Variants in BDKRB2 observed in about 807,000 individuals in gnomAD.
BDKRB2 encodes B2 bradykinin receptor.
In BDKRB2, 6 loss-of-function variants were observed where a neutral mutation model predicts 4.0. That is an observed-to-expected ratio of 1.49 (90% confidence interval 0.81 to 2.93). The LOEUF (loss-of-function observed/expected upper bound fraction) is 2.93, where lower values mean the gene tolerates loss of function less well. Among genes scored for constraint, BDKRB2 ranks in the 30% most tolerant of loss-of-function variants. BDKRB2 has a pLI of 0.00. For missense variants in BDKRB2, 478 were observed against 520.1 expected (o/e 0.92, Z 0.79); for synonymous variants, 225 against 215.3 (o/e 1.05, Z -0.40).
At chr14:96,218,698 A>T (rs1383736155) in intron 1 of BDKRB2, among the ~76,000 whole-genome samples, 1 of 152,044 alleles carries the variant, frequency 6.6e-6, no homozygotes, top group Non-Finnish European at 1.5e-5. Context: ...CAGGCAGATC[A>T]CTTGAGGTCA....
At position 96,210,609 on chromosome 14, in the gene BDKRB2, G is replaced by C. The variant is rs550089496; in HGVS notation, c.-40+5650G>C. Among the ~76,000 whole-genome samples, 4 of 152,310 alleles carry C rather than the reference G, an allele frequency of 2.6e-5. No homozygotes were observed. The South Asian group carries it at 8.3e-4, about 32-fold the overall frequency. On this transcript the variant is annotated intron_variant, in intron 1 of 2. Coordinates refer to ENST00000554311, the MANE Select transcript of BDKRB2 (RefSeq NM_001379692.1). Reference sequence around the variant, plus strand: ...TTTCACCCAGCAAAGAACAATTTGTGGGGGCAGTCATGGGGAGATATCCGA... The same window carrying C: ...TTTCACCCAGCAAAGAACAATTTGTCGGGGCAGTCATGGGGAGATATCCGA...
At chr14:96,220,925 T>C (rs1890545523) in intron 1 of BDKRB2, among the ~76,000 whole-genome samples, 1 of 152,008 alleles carries the variant, frequency 6.6e-6, no homozygotes, top group African/African-American at 2.4e-5. Context: ...TGTCCCCAAC[T>C]TGGGCACACT....
Position 96,242,986 on chromosome 14 carries a change from G to A in BDKRB2, c.*1482G>A, listed in dbSNP as rs200778828. Reference sequence around the variant, plus strand: ...TGGTTGGAGAGCTAGAACCTGGAGAGCTAGAACCTGGAGAACTAGAACCTG... The same window carrying A: ...TGGTTGGAGAGCTAGAACCTGGAGAACTAGAACCTGGAGAACTAGAACCTG... On this transcript the variant is annotated 3_prime_UTR_variant, in exon 3 of 3. Transcript: ENST00000554311. 7.6e-6 allele frequency: 1 copy of A among 131,278 alleles called. No homozygotes were observed. The highest frequency in any genetic ancestry group is 1.9e-4 in the East Asian group (1 of 5,194). The allele number at this position is 131,278 out of a possible 1,614,324, so 8.1% of individuals were successfully genotyped here. A position where few individuals can be genotyped will look rare whatever the true frequency, so the allele number is the denominator to read the frequency against.
chr14:96,211,394 T>A (rs557858898), intron 1 of BDKRB2, among the ~76,000 whole-genome samples: 1 of 152,220 alleles, frequency 6.6e-6, no homozygotes, highest in Admixed American at 6.5e-5. Flanking sequence ...AAGTGAGAGG[T>A]GAGAGAAGGA....
chr14:96,220,909 A>G (rs866354082), intron 1 of BDKRB2, among the ~76,000 whole-genome samples: 2 of 151,748 alleles, frequency 1.3e-5, no homozygotes, highest in Non-Finnish European at 2.9e-5. Flanking sequence ...AGCCTCCCAC[A>G]CCTCCTGTCC....
intron 1 of BDKRB2, among the ~76,000 whole-genome samples, chr14:96,228,643 A>T (rs145325976): frequency 6.6e-6 from 1 of 152,162 alleles, no homozygotes; most frequent in Admixed American, 6.5e-5. Context: ...GATGGGGGGC[A>T]TGGTGGGCCA....
chr14:96,212,619 A>T (rs1295158429), intron 1 of BDKRB2, among the ~76,000 whole-genome samples: 1 of 152,106 alleles, frequency 6.6e-6, no homozygotes, highest in Non-Finnish European at 1.5e-5. Context: ...GATGGCAGAG[A>T]TCAGTGGGTG....
At chr14:96,239,105 A>G in intron 2 of BDKRB2, 2 of 985,362 alleles carry the variant, frequency 2.0e-6, no homozygotes, top group Non-Finnish European at 2.4e-6. Context: ...CTCTTCCTCC[A>G]TGAGCCTGAC....
chr14:96,233,085 G>A (rs1238633612), intron 1 of BDKRB2, among the ~76,000 whole-genome samples: 2 of 152,200 alleles, frequency 1.3e-5, no homozygotes, highest in African/African-American at 4.8e-5. Context: ...GGAGTGCAGT[G>A]GTGCGATACG....
chr14:96,229,083 G>A (rs938235020), intron 1 of BDKRB2, among the ~76,000 whole-genome samples: 2 of 152,206 alleles, frequency 1.3e-5, no homozygotes, highest in African/African-American at 4.8e-5. Flanking sequence ...CTGGGGAGAA[G>A]AGGAGAAATA....
At chr14:96,234,669 G>A (rs982791966) in intron 1 of BDKRB2, among the ~76,000 whole-genome samples, 1 of 152,218 alleles carries the variant, frequency 6.6e-6, no homozygotes, top group Non-Finnish European at 1.5e-5. Flanking sequence ...TGGACTTCGG[G>A]AGAAAGTTGA....
chr14:96,237,290 C>G, intron 2 of BDKRB2, 109 bp downstream of exon 2: 1 of 1,054,350 alleles, frequency 9.5e-7, no homozygotes. Flanking sequence ...TTGAAGGAAC[C>G]AGTGATGTTA....
chr14:96,218,148 G>A (rs527264064), intron 1 of BDKRB2, among the ~76,000 whole-genome samples: 2 of 152,146 alleles, frequency 1.3e-5, no homozygotes, highest in Non-Finnish European at 2.9e-5. Flanking sequence ...TAAGGAATGA[G>A]TGCCACTCTG....
At chr14:96,211,280 G>A (rs1292243590) in intron 1 of BDKRB2, 2 of 152,268 alleles carry the variant, frequency 1.3e-5, no homozygotes, top group Non-Finnish European at 2.9e-5. Flanking sequence ...CACAGAGGGA[G>A]GCTCTCTGGG....
chr14:96,228,513 G>C (rs551239767), intron 1 of BDKRB2, among the ~76,000 whole-genome samples: 18 of 152,292 alleles, frequency 1.2e-4, no homozygotes, highest in Non-Finnish European at 1.3e-4. Context: ...CCAGATGGCT[G>C]AACTCTTCTC....
At chr14:96,205,685 G>A (rs1396964574) in intron 1 of BDKRB2, among the ~76,000 whole-genome samples, 6 of 152,196 alleles carry the variant, frequency 3.9e-5, no homozygotes, top group Non-Finnish European at 8.8e-5. Flanking sequence ...CCCTGTGGGT[G>A]ACGTTTTTGG....
At chr14:96,210,550 C>T (rs1311653746) in intron 1 of BDKRB2, among the ~76,000 whole-genome samples, 1 of 152,118 alleles carries the variant, frequency 6.6e-6, no homozygotes, top group Admixed American at 6.5e-5. Flanking sequence ...ATTGATGTGT[C>T]CTTGTTTTGT....
In BDKRB2 at chr14:96,241,626, C is replaced by T. The variant is rs1312010430; in HGVS notation, c.*122C>T. 1.8e-5 allele frequency: 25 copies of T among 1,404,900 alleles called. No homozygotes were observed. Among genetic ancestry groups the T allele is most frequent in the Non-Finnish European group, 2.3e-5 (25 of 1,081,670 alleles). The allele number at this position is 1,404,900 out of a possible 1,614,324, so 87.0% of individuals were successfully genotyped here. On this transcript the variant is annotated 3_prime_UTR_variant, in exon 3 of 3. Transcript: ENST00000554311. ...GACCTTGGGAAATGAGTTGATGTCT[C>T]CGGTAAAACACCGGAGACTAATTCC...
At chr14:96,222,317 G>A (rs1027576382) in intron 1 of BDKRB2, among the ~76,000 whole-genome samples, 2 of 152,030 alleles carry the variant, frequency 1.3e-5, no homozygotes, top group Non-Finnish European at 2.9e-5. Context: ...CTGTCTTTTA[G>A]GGATTTTGAT....
Sources: allele counts gnomAD v4.1 joint callset (sites outside exome capture counted in the v4.1 genomes callset), GRCh38; gene constraint gnomAD v4.1.1; transcripts MANE v1.5; gene names NCBI Gene and HGNC (gene_info 2026-07-23, HGNC 2026-07-21).